Variants in MTA3 observed in about 807,000 individuals in gnomAD.
MTA3 encodes metastasis-associated protein MTA3.
In MTA3, 34 loss-of-function variants were observed where a neutral mutation model predicts 83.5. The ratio of observed to expected loss-of-function variants is 0.41; its 90% CI spans 0.31 to 0.54. MTA3 has a LOEUF of 0.54. Ranked by LOEUF, MTA3 falls within the 20% of genes least tolerant of loss-of-function variation. The pLI is 0.33. For synonymous variants in MTA3, 303 were observed against 252.7 expected (o/e 1.20, Z -1.89); for missense variants, 761 against 726.4 (o/e 1.05, Z -0.55).
At chr2:42,527,052 C>CAAAAAAA (rs34030475) in intron 2 of MTA3, among the ~76,000 whole-genome samples, 5 of 45,318 alleles carry the variant, frequency 1.1e-4, no homozygotes, top group Admixed American at 2.9e-4. Flanking sequence ...GACTCTGTCT[C>CAAAAAAA]AAAAAAAAAA....
chr2:42,756,342 A>T lies in MTA3; in HGVS notation c.*2943A>T. 2.0e-6 allele frequency: 1 copy of T among 494,492 alleles called. No homozygotes were observed. Among genetic ancestry groups the T allele is most frequent in the Non-Finnish European group, 2.6e-6 (1 of 381,018 alleles). The allele number at this position is 494,492 out of a possible 1,614,324, so 30.6% of individuals were successfully genotyped here. A position where few individuals can be genotyped will look rare whatever the true frequency, so the allele number is the denominator to read the frequency against. ...CCTCTCCCCTCCTCTTGGCCTCCAGAGTCCTGCAGGTGCCTCACAGTAGTG... is the reference window on the plus strand; with the variant it reads ...CCTCTCCCCTCCTCTTGGCCTCCAGTGTCCTGCAGGTGCCTCACAGTAGTG... On this transcript the variant is annotated 3_prime_UTR_variant, in exon 17 of 17. Transcript: ENST00000405094.
chr2:42,610,782 T>C (rs1684093924), intron 4 of MTA3, among the ~76,000 whole-genome samples: 1 of 152,010 alleles, frequency 6.6e-6, no homozygotes, highest in Non-Finnish European at 1.5e-5. Context: ...CAGGTGAGCA[T>C]AGGGTGTATG....
rs375099971 is a variant in MTA3 at position 42,712,368 on chromosome 2, G to T, written c.1525+3272G>T. 1.6e-4 allele frequency among the ~76,000 whole-genome samples: 25 copies of T among 152,038 alleles called. No individual in the cohort carries two copies. In the East Asian group the frequency reaches 2.1e-3, roughly 13 times the overall value. On this transcript the variant is annotated intron_variant, in intron 14 of 16. Coordinates refer to ENST00000405094, the MANE Select transcript of MTA3 (RefSeq NM_001330442.2). ...TCTGGAGTGCAGTGGTACCATCATA[G>T]CTCAGTGCAGCCTTGAACTCTGGGG...
At chr2:42,663,965 A>T (rs1047744752) in intron 8 of MTA3, among the ~76,000 whole-genome samples, 4 of 152,174 alleles carry the variant, frequency 2.6e-5, no homozygotes, top group Admixed American at 6.5e-5. Flanking sequence ...AAGTAGGCTC[A>T]GAGGCTCAGG....
rs138783928 is a variant in MTA3, at chr2:42,720,699, C to G, written c.1612+1625C>G. Among the ~76,000 whole-genome samples, 427 of 151,988 alleles carry G rather than the reference C, an allele frequency of 2.8e-3. 2 individuals carry two copies. The highest frequency in any genetic ancestry group is 9.7e-3 in the African/African-American group (402 of 41,492). ...ATAGGCCGGGCATGGTGGCTCATGC[C>G]TGTAATCCCAGTACTTTGAGAGGCA... On this transcript the variant is annotated intron_variant, in intron 15 of 16. Coordinates refer to ENST00000405094, the MANE Select transcript of MTA3 (RefSeq NM_001330442.2).
At chr2:42,540,570 C>T (rs1460422009) in intron 2 of MTA3, among the ~76,000 whole-genome samples, 1 of 152,166 alleles carries the variant, frequency 6.6e-6, no homozygotes, top group East Asian at 2.0e-4. Context: ...CACAGTAGCT[C>T]ACACCTCTAA....
At chr2:42,660,271 TAGAGACGGGGTTTCACC>T (rs1689561631) in intron 8 of MTA3, among the ~76,000 whole-genome samples, 1 of 152,120 alleles carries the variant, frequency 6.6e-6, no homozygotes, top group African/African-American at 2.4e-5. Context: ...GTATTTTTGG[TAGAGACGGGGTTTCACC>T]ATGTTGGCCA....
chr2:42,573,204 T>G (rs1003502793), intron 2 of MTA3, among the ~76,000 whole-genome samples: 4 of 152,260 alleles, frequency 2.6e-5, no homozygotes, highest in African/African-American at 9.6e-5. Flanking sequence ...GTCTAGCTAA[T>G]ACCTTTCCCT....
rs1430732844 is a variant in MTA3 at position 42,708,938 on chromosome 2, G to T, written c.1367G>T (p.Gly456Val). The change falls in exon 14 of 17, where the codon GGG becomes GTG. Residue 456 changes from glycine to valine, a missense_variant. Gly to Val is a moderately radical substitution (Grantham distance 109). Coordinates refer to ENST00000405094, the MANE Select transcript of MTA3 (RefSeq NM_001330442.2). ...AMQGMPVRNT[G>V]SPKSAVKTRQ... is the part of the protein sequence containing the mutation. Reference sequence around the variant, plus strand: ...CAGGGAATGCCAGTCCGAAACACTGGGAGTCCAAAGTCTGCAGTGAAGACC... The same window carrying T: ...CAGGGAATGCCAGTCCGAAACACTGTGAGTCCAAAGTCTGCAGTGAAGACC... 6.2e-7 allele frequency: 1 copy of T among 1,613,962 alleles called. No homozygotes were observed. Among genetic ancestry groups the T allele is most frequent in the Admixed American group, 1.7e-5 (1 of 60,018 alleles).
At chr2:42,738,840 A>T (rs148388558) in intron 16 of MTA3, among the ~76,000 whole-genome samples, 1 of 152,154 alleles carries the variant, frequency 6.6e-6, no homozygotes, top group South Asian at 2.1e-4. Flanking sequence ...CAGGGGTGAA[A>T]TAAACTCCAG....
At chr2:42,556,571 A>G (rs1677402315) in intron 2 of MTA3, among the ~76,000 whole-genome samples, 1 of 151,836 alleles carries the variant, frequency 6.6e-6, no homozygotes, top group Non-Finnish European at 1.5e-5. Flanking sequence ...GCCGGGAGTC[A>G]CTCCCTCCCT....
intron 3 of MTA3, among the ~76,000 whole-genome samples, chr2:42,599,188 G>C (rs918968430): frequency 6.6e-6 from 1 of 152,134 alleles, no homozygotes; most frequent in African/African-American, 2.4e-5. Flanking sequence ...ATGTTTATAA[G>C]ACTTCTATGA....
intron 2 of MTA3, among the ~76,000 whole-genome samples, chr2:42,576,331 G>A (rs1679027648): frequency 6.6e-6 from 1 of 152,212 alleles, no homozygotes; most frequent in Non-Finnish European, 1.5e-5. Context: ...TTGAAGTTGA[G>A]GCCTAAAGGA....
chr2:42,713,605 A>G (rs1666800182), intron 14 of MTA3, among the ~76,000 whole-genome samples: 1 of 116,542 alleles, frequency 8.6e-6, no homozygotes. Flanking sequence ...AACCATTATC[A>G]TCGTTGCCTT....
chr2:42,720,506 T>C (rs1240873844), intron 15 of MTA3, among the ~76,000 whole-genome samples: 1 of 152,060 alleles, frequency 6.6e-6, no homozygotes, highest in Non-Finnish European at 1.5e-5. Context: ...TCTCAGGGGT[T>C]AAAGAGTTGT....
At chr2:42,526,930 T>C (rs12712848) in intron 2 of MTA3, among the ~76,000 whole-genome samples, 2,837 of 151,268 alleles carry the variant, frequency 0.019, 80 homozygotes, top group African/African-American at 0.065. Context: ...GATGCTTGCC[T>C]GTAGTCCCAG....
chr2:42,694,605 T>C (rs1009663946), intron 9 of MTA3, among the ~76,000 whole-genome samples: 1 of 152,114 alleles, frequency 6.6e-6, no homozygotes, highest in African/African-American at 2.4e-5. Context: ...ATGCACAGAC[T>C]CTGGCACTGC....
At chr2:42,523,733 C>T (rs920457639) in intron 2 of MTA3, among the ~76,000 whole-genome samples, 8 of 151,922 alleles carry the variant, frequency 5.3e-5, no homozygotes, top group East Asian at 1.9e-4. Flanking sequence ...GGCAATGTGG[C>T]GAAACCTCTT....
chr2:42,682,255 A>G, intron 8 of MTA3, 146 bp from the exon 9 acceptor site: 2 of 576,550 alleles, frequency 3.5e-6, no homozygotes, highest in Non-Finnish European at 2.8e-6. Flanking sequence ...TTAAATAATT[A>G]TTTAGTAATC....
Sources: gnomAD v4.1 joint callset for allele counts (sites outside exome capture counted in the v4.1 genomes callset) on GRCh38, gnomAD v4.1.1 for gene constraint, MANE v1.5 for transcripts, NCBI Gene and HGNC (gene_info 2026-07-23, HGNC 2026-07-21) for gene names.